Variants in NGRN observed in about 807,000 individuals in gnomAD.
The protein encoded by NGRN is neugrin, neurite outgrowth associated.
A neutral mutation model predicts 13.1 loss-of-function variants in NGRN; 12 were observed. The ratio of observed to expected loss-of-function variants is 0.92; its 90% CI spans 0.59 to 1.49. The LOEUF is 1.49. NGRN is among the 40% of genes most tolerant of loss of function. The probability of loss-of-function intolerance (pLI) is 0.00; values close to 1 mark genes in which losing one functional copy is unlikely to be tolerated. For missense variants in NGRN, 397 were observed against 357.0 expected (o/e 1.11, Z -0.90); for synonymous variants, 149 against 145.8 (o/e 1.02, Z -0.16).
At position 90,271,834 on chromosome 15, in the gene NGRN, A is replaced by G. The variant is rs781209946; in HGVS notation, c.*46A>G. On this transcript the variant is annotated 3_prime_UTR_variant, in exon 3 of 3. Coordinates refer to ENST00000379095, the MANE Select transcript of NGRN (RefSeq NM_001033088.3). ...GATGCCTCGTGAAACACAGCTGGGC[A>G]AGTATTAATGTATATGGAACAGCCT... 77 of 1,599,724 alleles carry G rather than the reference A, an allele frequency of 4.8e-5. No homozygotes were observed. The highest frequency in any genetic ancestry group is 6.3e-5 in the Non-Finnish European group (74 of 1,172,274).
rs748216905 is a variant in NGRN at position 90,265,754 on chromosome 15, C to T, written c.42C>T (p.Cys14=). ...GTCTCTTGCTGGGCGGGCGCGTTTG[C>T]GCCGCCGTCACTCGCTGTGGGTTCG... The part of the protein sequence containing the change: ...TLSLLLGGRV[C]AAVTRCGFAT... Residue 14 remains cysteine (C), a synonymous_variant, in exon 1 of 3, where the codon TGC becomes TGT. Coordinates refer to ENST00000379095, the MANE Select transcript of NGRN (RefSeq NM_001033088.3). 2.5e-6 allele frequency: 4 copies of T among 1,613,026 alleles called. No individual in the cohort carries two copies. The highest frequency in any genetic ancestry group is 2.5e-6 in the Non-Finnish European group (3 of 1,179,810).
intron 2 of NGRN, among the ~76,000 whole-genome samples, chr15:90,267,242 G>T (rs1360819467): frequency 6.6e-6 from 1 of 151,780 alleles, no homozygotes; most frequent in African/African-American, 2.4e-5. Context: ...TGTTGCCCAT[G>T]CTAGTCTCCA....
chr15:90,267,558 C>T (rs1156475660), intron 2 of NGRN, among the ~76,000 whole-genome samples: 1 of 152,170 alleles, frequency 6.6e-6, no homozygotes, highest in Non-Finnish European at 1.5e-5. Flanking sequence ...CCAGGCTGGT[C>T]TCAAACTTCT....
intron 1 of NGRN, 139 bp downstream of exon 1, chr15:90,266,015 C>T (rs968971906): frequency 3.5e-6 from 5 of 1,412,424 alleles, no homozygotes; most frequent in African/African-American, 3.0e-5. Context: ...GTTAGGGGCG[C>T]AGCGTCAGGT....
chr15:90,267,223 G>A (rs1181802560), intron 2 of NGRN, among the ~76,000 whole-genome samples: 1 of 151,164 alleles, frequency 6.6e-6, no homozygotes, highest in South Asian at 2.1e-4. Flanking sequence ...TGTAGAGATA[G>A]CCTCATCATG....
Position 90,271,851 on chromosome 15 carries a change from G to A in NGRN, c.*63G>A. 6.4e-7 allele frequency: 1 copy of A among 1,571,484 alleles called. No homozygotes were observed. The highest frequency in any genetic ancestry group is 8.6e-7 in the Non-Finnish European group (1 of 1,157,972). On this transcript the variant is annotated 3_prime_UTR_variant, in exon 3 of 3. Coordinates refer to ENST00000379095, the MANE Select transcript of NGRN (RefSeq NM_001033088.3). ...AGCTGGGCAAGTATTAATGTATATG[G>A]AACAGCCTGGATTTCTGCATATGGA...
intron 1 of NGRN, 109 bp downstream of exon 1, chr15:90,265,985 C>T: frequency 7.0e-7 from 1 of 1,423,076 alleles, no homozygotes. Flanking sequence ...CGCAGCGGCC[C>T]TTGTTTCTTC....
At position 90,266,354 on chromosome 15, in the gene NGRN, T is replaced by TG; in HGVS notation, c.232dup (p.Ala78GlyfsTer19). ...TTCGGAGGCAAATGGAGGCGCCTGG[T>TG]GCCCCGCCCAGGACCCTGACGTGGG... On this transcript the variant is annotated frameshift_variant, in exon 2 of 3. Transcript: ENST00000379095. LOFTEE classifies it low-confidence loss of function (END_TRUNC). 1 of 1,613,908 alleles carries TG rather than the reference T, an allele frequency of 6.2e-7. No individual in the cohort carries two copies. Among genetic ancestry groups the TG allele is most frequent in the African/African-American group, 1.3e-5 (1 of 75,036 alleles).
chr15:90,266,307 C>T lies in NGRN; in HGVS notation c.184C>T (p.Gln62Ter). 1 of 1,613,700 alleles carries T rather than the reference C, an allele frequency of 6.2e-7. No individual in the cohort carries two copies. Residue 62 changes from glutamine to a stop codon, truncating the protein, a stop_gained, in exon 2 of 3, where the codon CAA becomes TAA. Coordinates refer to ENST00000379095, the MANE Select transcript of NGRN (RefSeq NM_001033088.3). LOFTEE classifies it high-confidence loss of function. ...EVESTLKRQKQAIRFQKIRRQ... is the reference protein window; with the variant it reads ...EVESTLKRQK Reference sequence around the variant, plus strand: ...CCCCAGCACCCTGAAACGACAGAAACAAGCAATCCGATTCCAGAAAATTCG... The same window carrying T: ...CCCCAGCACCCTGAAACGACAGAAATAAGCAATCCGATTCCAGAAAATTCG...
Position 90,265,970 on chromosome 15 carries a change from GCTTGCGCAGCGGCC to G in NGRN, c.164+99_164+112del, listed in dbSNP as rs1963410628. The G allele has an allele frequency of 3.5e-6, 5 of 1,423,386 alleles. No homozygotes were observed. The East Asian group carries it at 1.1e-4, about 31-fold the overall frequency. The allele number at this position is 1,423,386 out of a possible 1,614,324, so 88.2% of individuals were successfully genotyped here. ...CCTTGGCGCCGGGTGTCCTGCCGCT[GCTTGCGCAGCGGCC>G]CTTGTTTCTTCTTACCCGTTGTTAG... On this transcript the variant is annotated intron_variant, in intron 1 of 2. Transcript: ENST00000379095.
rs755131268 is a variant in NGRN, at chr15:90,265,745, G to A, written c.33G>A (p.Gly11=). Residue 11 remains glycine (G), a synonymous_variant, in exon 1 of 3, where the codon GGG becomes GGA. Transcript: ENST00000379095. ...TTACCCTGAGTCTCTTGCTGGGCGG[G>A]CGCGTTTGCGCCGCCGTCACTCGCT... The part of the protein sequence containing the change: MAVTLSLLLG[G]RVCAAVTRCG... 9 of 1,613,258 alleles carry A rather than the reference G, an allele frequency of 5.6e-6. No individual in the cohort carries two copies. Among genetic ancestry groups the A allele is most frequent in the Middle Eastern group, 1.7e-4 (1 of 5,780 alleles).
rs1240420925 is a variant in NGRN at position 90,269,172 on chromosome 15, T to TA, written c.276-2016_276-2015insA. The stretch of plus-strand genomic sequence containing the variant: ...CACTATACCTGGCTAATTTTTTTTT[T>TA]TTTTTTTTTTTTTTTGGATTTTTAG... On this transcript the variant is annotated intron_variant, in intron 2 of 2. Transcript: ENST00000379095. Among the ~76,000 whole-genome samples, 112 of 131,892 alleles carry TA rather than the reference T, an allele frequency of 8.5e-4. 1 individual carries two copies. In the East Asian group the frequency reaches 0.013, roughly 15 times the overall value. The allele number at this position is 131,892 out of a possible 152,430, so 86.5% of individuals were successfully genotyped here.
At position 90,271,686 on chromosome 15, in the gene NGRN, G is replaced by T. The variant is rs755023100; in HGVS notation, c.774G>T (p.Leu258=). The stretch of plus-strand genomic sequence containing the variant: ...GTGCGTTGCCAAGTGGTCAGAAGCT[G>T]GAGGAGTTGAAGGCAGAGGAGCCAG... The part of the protein sequence containing the change: ...GSGALPSGQK[L]EELKAEEPDN... Residue 258 remains leucine, a synonymous_variant, in exon 3 of 3, where the codon CTG becomes CTT. Coordinates refer to ENST00000379095, the MANE Select transcript of NGRN (RefSeq NM_001033088.3). The T allele has an allele frequency of 6.2e-7, 1 of 1,614,204 alleles. No individual in the cohort carries two copies. The highest frequency in any genetic ancestry group is 1.1e-5 in the South Asian group (1 of 91,084).
intron 2 of NGRN, among the ~76,000 whole-genome samples, chr15:90,268,992 CTT>C (rs71461858): frequency 2.2e-5 from 1 of 45,690 alleles, no homozygotes; most frequent in Non-Finnish European, 3.9e-5. Context: ...CTGATTCTCT[CTT>C]TTTTTTTTTT....
rs984477366 is a variant in NGRN, at chr15:90,266,278, C to T, written c.165-10C>T. 4 of 1,611,296 alleles carry T rather than the reference C, an allele frequency of 2.5e-6. No individual in the cohort carries two copies. The highest frequency in any genetic ancestry group is 2.2e-5 in the East Asian group (1 of 44,828). ...ACGCATGGCTTCTGCCATTGGTTCT[C>T]TTCCCCCAGCACCCTGAAACGACAG... On this transcript the variant is annotated splice_polypyrimidine_tract_variant and intron_variant, in intron 1 of 2. Coordinates refer to ENST00000379095, the MANE Select transcript of NGRN (RefSeq NM_001033088.3).
chr15:90,266,151 T>A lies in NGRN; in HGVS notation c.165-137T>A, dbSNP rs1963415017. 3 of 1,471,598 alleles carry A rather than the reference T, an allele frequency of 2.0e-6. No individual in the cohort carries two copies. The Admixed American group carries it at 7.7e-5, about 38-fold the overall frequency. 91.2% of individuals were successfully genotyped at this position (1,471,598 alleles called of 1,614,324 possible). On this transcript the variant is annotated intron_variant, in intron 1 of 2. Transcript: ENST00000379095. ...TAGCTTTCTGGGTGTACGGAGCAGCTCTAAGCCGGCAACATGGCCCGGTTG... is the reference window on the plus strand; with the variant it reads ...TAGCTTTCTGGGTGTACGGAGCAGCACTAAGCCGGCAACATGGCCCGGTTG...
At position 90,265,933 on chromosome 15, in the gene NGRN, C is replaced by T. The variant is rs566828753; in HGVS notation, c.164+57C>T. The stretch of plus-strand genomic sequence containing the variant: ...AGCAGGGCCTCGTGCCCCGGCGCTC[C>T]AGGCCGCGCCCCCTTGGCGCCGGGT... On this transcript the variant is annotated intron_variant, in intron 1 of 2. Transcript: ENST00000379095. 1.2e-4 allele frequency: 168 copies of T among 1,433,294 alleles called. 1 individual carries two copies. The South Asian group carries it at 2.3e-3, about 20-fold the overall frequency. 88.8% of individuals were successfully genotyped at this position (1,433,294 alleles called of 1,614,324 possible).
chr15:90,268,490 G>GCTCT (rs1963460245), intron 2 of NGRN, among the ~76,000 whole-genome samples: 2 of 151,756 alleles, frequency 1.3e-5, no homozygotes, highest in Non-Finnish European at 2.9e-5. Context: ...CCATTTCAGA[G>GCTCT]GAAATGGGAG....
Position 90,265,720 on chromosome 15 carries a change from T to A in NGRN, c.8T>A (p.Val3Asp), listed in dbSNP as rs914391817. Residue 3 changes from valine to aspartate, a missense_variant, in exon 1 of 3, where the codon GTT becomes GAT. By Grantham distance (152) the Val-to-Asp change is radical (BLOSUM62 -3). Transcript: ENST00000379095. ...AGGCTGGTTTGCGTCGACATGGCGG[T>A]TACCCTGAGTCTCTTGCTGGGCGGG... is the stretch of plus-strand genomic sequence containing the variant. MAVTLSLLLGGRV... is the reference protein window; with the variant it reads MADTLSLLLGGRV... 6 of 1,613,070 alleles carry A rather than the reference T, an allele frequency of 3.7e-6. No homozygotes were observed. Among genetic ancestry groups the A allele is most frequent in the Non-Finnish European group, 5.1e-6 (6 of 1,179,820 alleles).
Sources: gnomAD v4.1 joint callset for allele counts (sites outside exome capture counted in the v4.1 genomes callset) on GRCh38, gnomAD v4.1.1 for gene constraint, MANE v1.5 for transcripts, NCBI Gene and HGNC (gene_info 2026-07-23, HGNC 2026-07-21) for gene names.